ASTN2: variants seen among roughly 807,000 people sequenced by gnomAD.
ASTN2 encodes the protein astrotactin 2.
In ASTN2, 54 loss-of-function variants were observed where a neutral mutation model predicts 139.8. The ratio of observed to expected loss-of-function variants is 0.39; its 90% CI spans 0.31 to 0.48. The LOEUF is 0.48. Among genes scored for constraint, ASTN2 ranks in the 20% least tolerant of loss-of-function variants. The probability of loss-of-function intolerance (pLI) is 0.95; values close to 1 mark genes in which losing one functional copy is unlikely to be tolerated. For missense variants in ASTN2, 1,565 were observed against 1,725.1 expected (o/e 0.91, Z 1.64); for synonymous variants, 756 against 719.5 (o/e 1.05, Z -0.81).
In ASTN2 at chr9:116,616,053, G is replaced by A. The variant is rs151177879; in HGVS notation, c.3355+2271C>T. Among the ~76,000 whole-genome samples, 510 of 152,138 alleles carry A rather than the reference G, an allele frequency of 3.4e-3. 1 individual carries two copies. Among genetic ancestry groups the A allele is most frequent in the African/African-American group, 0.012 (497 of 41,520 alleles). ...GTTCAATATAGTACTAAAATTCCTAGCTAGAACAATTAGACAAGTAATACA... is the reference window on the plus strand; with the variant it reads ...GTTCAATATAGTACTAAAATTCCTAACTAGAACAATTAGACAAGTAATACA... On this transcript the variant is annotated intron_variant, in intron 19 of 22. Transcript: ENST00000313400.
At chr9:116,780,815 G>C (rs1465360933) in intron 13 of ASTN2, among the ~76,000 whole-genome samples, 2 of 151,474 alleles carry the variant, frequency 1.3e-5, no homozygotes, top group Non-Finnish European at 2.9e-5. Context: ...ATACATGAAT[G>C]AGTGAATGAA....
intron 16 of ASTN2, among the ~76,000 whole-genome samples, chr9:116,683,300 AT>A (rs1049085970): frequency 2.6e-5 from 4 of 152,122 alleles, no homozygotes; most frequent in African/African-American, 9.7e-5. Context: ...TAAATATGTT[AT>A]TAGTATGTGT....
At chr9:116,426,218 T>G in intron 22 of ASTN2, 130 bp from the exon 23 acceptor site, 9 of 1,136,512 alleles carry the variant, frequency 7.9e-6, no homozygotes, top group Non-Finnish European at 9.9e-6. Flanking sequence ...GATTGGAGTG[T>G]GGTACTTCAA....
intron 13 of ASTN2, among the ~76,000 whole-genome samples, chr9:116,749,036 C>T (rs1009861606): frequency 3.9e-5 from 6 of 152,078 alleles, no homozygotes; most frequent in African/African-American, 7.2e-5. Flanking sequence ...GTCCGCCCCC[C>T]GTCCCCTGTG....
intron 3 of ASTN2, among the ~76,000 whole-genome samples, chr9:117,160,221 A>C (rs1043330195): frequency 2.1e-4 from 32 of 151,926 alleles, no homozygotes; most frequent in African/African-American, 7.7e-4. Context: ...ATACCTATAA[A>C]ATGTTTCAAG....
chr9:117,032,626 G>A (rs1461989902), intron 6 of ASTN2, among the ~76,000 whole-genome samples: 1 of 152,118 alleles, frequency 6.6e-6, no homozygotes, highest in African/African-American at 2.4e-5. Flanking sequence ...TAGTTCTGAA[G>A]CCAATTATGG....
intron 19 of ASTN2, among the ~76,000 whole-genome samples, chr9:116,593,295 G>A (rs1393535690): frequency 7.2e-5 from 11 of 152,202 alleles, no homozygotes; most frequent in Non-Finnish European, 1.2e-4. Flanking sequence ...GGCACTGGGC[G>A]TGGGCCGAAG....
chr9:117,176,644 C>T (rs1830925169), intron 3 of ASTN2, among the ~76,000 whole-genome samples: 1 of 152,126 alleles, frequency 6.6e-6, no homozygotes, highest in South Asian at 2.1e-4. Flanking sequence ...TAAAATTTAA[C>T]TTACAGTGCC....
chr9:117,147,508 C>T (rs913605790), intron 3 of ASTN2, among the ~76,000 whole-genome samples: 7 of 151,930 alleles, frequency 4.6e-5, no homozygotes, highest in African/African-American at 1.7e-4. Flanking sequence ...CCACCCAGGA[C>T]GTTCCACCGA....
intron 16 of ASTN2, among the ~76,000 whole-genome samples, chr9:116,664,279 C>T (rs943711750): frequency 1.3e-5 from 2 of 151,718 alleles, no homozygotes; most frequent in African/African-American, 4.8e-5. Flanking sequence ...CAGGGCCTCA[C>T]TATGTTGCCT....
At chr9:117,151,162 T>C (rs1414868979) in intron 3 of ASTN2, among the ~76,000 whole-genome samples, 2 of 152,038 alleles carry the variant, frequency 1.3e-5, no homozygotes, top group South Asian at 2.1e-4. Context: ...TGCCGTGCTA[T>C]TGACAAAAGA....
chr9:117,296,716 C>A (rs1264609633), intron 1 of ASTN2, among the ~76,000 whole-genome samples: 2 of 152,186 alleles, frequency 1.3e-5, no homozygotes, highest in Non-Finnish European at 2.9e-5. Context: ...GTGCACCATG[C>A]CTTTTGGCAG....
intron 5 of ASTN2, among the ~76,000 whole-genome samples, chr9:117,051,362 CA>C (rs1838907973): frequency 6.6e-6 from 1 of 151,890 alleles, no homozygotes; most frequent in Non-Finnish European, 1.5e-5. Context: ...TTTTGCAAAT[CA>C]AAAAAATTGA....
chr9:116,531,975 CCCA>C (rs1403452350), intron 19 of ASTN2, among the ~76,000 whole-genome samples: 2 of 152,162 alleles, frequency 1.3e-5, no homozygotes, highest in Admixed American at 1.3e-4. Context: ...AGTTTACTGT[CCCA>C]CCAACAGTGT....
Position 117,039,923 on chromosome 9 carries a change from A to G in ASTN2, c.1319T>C (p.Ile440Thr). The G allele has an allele frequency of 6.2e-7, 1 of 1,613,860 alleles. No individual in the cohort carries two copies. Among genetic ancestry groups the G allele is most frequent in the African/African-American group, 1.3e-5 (1 of 75,046 alleles). Residue 440 changes from isoleucine to threonine, a missense_variant, in exon 6 of 23, where the codon ATT becomes ACT. Coordinates refer to ENST00000313400, the MANE Select transcript of ASTN2 (RefSeq NM_001365068.1). Reference sequence around the variant, plus strand: ...GGCCAGGATGCAGGAACTCACAGCAATCAGTGTCAGGGCTGTCTTGTTCAC... The same window carrying G: ...GGCCAGGATGCAGGAACTCACAGCAGTCAGTGTCAGGGCTGTCTTGTTCAC... ...SPVNKTALTL[I>T]AVSSCILAMV...
chr9:116,813,855 C>A (rs1013730452), intron 12 of ASTN2, among the ~76,000 whole-genome samples: 1 of 151,682 alleles, frequency 6.6e-6, no homozygotes, highest in African/African-American at 2.4e-5. Context: ...GTCAACATGG[C>A]GAAACCCCAT....
At chr9:116,426,969 C>A (rs1168562350) in intron 22 of ASTN2, among the ~76,000 whole-genome samples, 1 of 152,038 alleles carries the variant, frequency 6.6e-6, no homozygotes, top group Non-Finnish European at 1.5e-5. Context: ...CCAGCCTTAC[C>A]AAGAATTATT....
At chr9:117,360,770 T>C (rs1829669811) in intron 1 of ASTN2, among the ~76,000 whole-genome samples, 1 of 132,524 alleles carries the variant, frequency 7.5e-6, no homozygotes, top group Admixed American at 7.3e-5. Flanking sequence ...CCTTCCCCTC[T>C]CTACCCCCAG....
intron 5 of ASTN2, among the ~76,000 whole-genome samples, chr9:117,060,717 C>T (rs1488910079): frequency 1.3e-5 from 2 of 151,500 alleles, no homozygotes; most frequent in African/African-American, 4.9e-5. Flanking sequence ...CATGGTGAAA[C>T]CCCGTCTCCA....
Sources: gnomAD v4.1 joint callset for allele counts (sites outside exome capture counted in the v4.1 genomes callset) on GRCh38, gnomAD v4.1.1 for gene constraint, MANE v1.5 for transcripts, NCBI Gene and HGNC (gene_info 2026-07-23, HGNC 2026-07-21) for gene names.